CBY2: variants seen among roughly 807,000 people sequenced by gnomAD.
CBY2 encodes the protein protein chibby homolog 2.
A neutral mutation model predicts 25.3 loss-of-function variants in CBY2; 23 were observed. The ratio of observed to expected loss-of-function variants is 0.91; its 90% CI spans 0.65 to 1.29. The LOEUF is 1.29. Among genes scored for constraint, CBY2 ranks in the 50% most tolerant of loss-of-function variants. CBY2 has a pLI of 0.00. For synonymous variants in CBY2, 279 were observed against 260.2 expected (o/e 1.07, Z -0.70); for missense variants, 642 against 590.7 (o/e 1.09, Z -0.90).
At chr13:45,712,544 T>C (rs183666258) in intron 2 of CBY2, among the ~76,000 whole-genome samples, 168 of 152,008 alleles carry the variant, frequency 1.1e-3, no homozygotes, top group African/African-American at 3.9e-3. Context: ...CACGGAGAGG[T>C]GAAAATTTGA....
At position 45,702,424 on chromosome 13, in the gene CBY2, G is replaced by C; in HGVS notation, c.34G>C (p.Asp12His). ...TCTGGAATGTTCTGAGTGTTTTGGT[G>C]ACCAACTTCTGCATAGGACCTATAC... ...SPLECSECFG[D>H]QLLHRTYTWQ... Residue 12 changes from aspartate to histidine, a missense_variant, in exon 1 of 3, where the codon GAC becomes CAC. By Grantham distance (81) the Asp-to-His change is moderately conservative. Coordinates refer to ENST00000310521, the MANE Select transcript of CBY2 (RefSeq NM_152719.3). 1 of 1,614,178 alleles carries C rather than the reference G, an allele frequency of 6.2e-7. No individual in the cohort carries two copies. The highest frequency in any genetic ancestry group is 8.5e-7 in the Non-Finnish European group (1 of 1,180,018).
At position 45,705,720 on chromosome 13, in the gene CBY2, G is replaced by A. The variant is rs146246135; in HGVS notation, c.156+2865G>A. Among the ~76,000 whole-genome samples, 460 of 152,320 alleles carry A rather than the reference G, an allele frequency of 3.0e-3. 5 individuals carry two copies. The highest frequency in any genetic ancestry group is 5.2e-3 in the Non-Finnish European group (352 of 68,026). The stretch of plus-strand genomic sequence containing the variant: ...TGAATTAATTTAAAATAATGATAAT[G>A]AGACTCAGCCTTGTCATCTCATATG... On this transcript the variant is annotated intron_variant, in intron 2 of 2. Coordinates refer to ENST00000310521, the MANE Select transcript of CBY2 (RefSeq NM_152719.3).
At chr13:45,707,147 C>G (rs1950244059) in intron 2 of CBY2, among the ~76,000 whole-genome samples, 1 of 152,012 alleles carries the variant, frequency 6.6e-6, no homozygotes, top group Non-Finnish European at 1.5e-5. Context: ...GACTTTTGAG[C>G]CCAAAGTTAC....
In CBY2 at chr13:45,713,378, C is replaced by T. The variant is rs1950284106; in HGVS notation, c.353C>T (p.Pro118Leu). 4.3e-6 allele frequency: 7 copies of T among 1,614,198 alleles called. No homozygotes were observed. Among genetic ancestry groups the T allele is most frequent in the African/African-American group, 2.7e-5 (2 of 75,060 alleles). ...SQADLELDYNPPRVQLSDEMF... is the reference protein window; with the variant it reads ...SQADLELDYNLPRVQLSDEMF... ...GCCGACCTGGAGCTGGACTACAACC[C>T]GCCGCGGGTGCAGCTCAGCGACGAG... is the stretch of plus-strand genomic sequence containing the variant. Residue 118 changes from proline to leucine, a missense_variant, in exon 3 of 3, where the codon CCG becomes CTG. Coordinates refer to ENST00000310521, the MANE Select transcript of CBY2 (RefSeq NM_152719.3). This position sits in a 1 kb window ranked among gnomAD's most constrained non-coding sequence, Gnocchi z 5.0.
Position 45,713,785 on chromosome 13 carries a change from A to G in CBY2, c.760A>G (p.Asn254Asp). 6.3e-7 allele frequency: 1 copy of G among 1,589,406 alleles called. No homozygotes were observed. The highest frequency in any genetic ancestry group is 2.3e-5 in the East Asian group (1 of 43,880). ...DSTLQLLREENRALQQLLEQK... is the reference protein window; with the variant it reads ...DSTLQLLREEDRALQQLLEQK... Reference sequence around the variant, plus strand: ...CACCCTGCAGCTCCTCCGGGAGGAGAATCGCGCGCTGCAGCAGCTGCTGGA... The same window carrying G: ...CACCCTGCAGCTCCTCCGGGAGGAGGATCGCGCGCTGCAGCAGCTGCTGGA... Residue 254 changes from asparagine to aspartate, a missense_variant, in exon 3 of 3, where the codon AAT becomes GAT. By Grantham distance (23) the Asn-to-Asp change is conservative. Coordinates refer to ENST00000310521, the MANE Select transcript of CBY2 (RefSeq NM_152719.3). The surrounding 1 kb of genome is among the most constrained non-coding windows in gnomAD (Gnocchi z 5.0).
At chr13:45,702,722 G>A in intron 1 of CBY2, 53 bp from the exon 2 acceptor site, 1 of 1,415,276 alleles carries the variant, frequency 7.1e-7, no homozygotes, top group South Asian at 1.2e-5. Flanking sequence ...AGCAATTGAG[G>A]CCCAGAGGAT....
rs371167603 is a variant in CBY2 at position 45,714,292 on chromosome 13, C to T, written c.1267C>T (p.Arg423Cys). 4.3e-6 allele frequency: 7 copies of T among 1,613,030 alleles called. No individual in the cohort carries two copies. The highest frequency in any genetic ancestry group is 1.6e-4 in the Middle Eastern group (1 of 6,084). ...VIDTVTEVTA[R>C]MEMLIEELYA... Reference sequence around the variant, plus strand: ...TGACACCGTGACCGAGGTCACCGCGCGCATGGAAATGCTCATCGAGGAGCT... The same window carrying T: ...TGACACCGTGACCGAGGTCACCGCGTGCATGGAAATGCTCATCGAGGAGCT... Residue 423 changes from arginine to cysteine, a missense_variant, in exon 3 of 3, where the codon CGC (arginine) becomes TGC (cysteine). Arg to Cys is a radical substitution (Grantham distance 180). Transcript: ENST00000310521.
At chr13:45,702,929 C>T in intron 2 of CBY2, 74 bp downstream of exon 2, 1 of 1,315,624 alleles carries the variant, frequency 7.6e-7, no homozygotes, top group Non-Finnish European at 1.1e-6. Flanking sequence ...CTTCAAAACT[C>T]TAGCAAGATG....
chr13:45,710,502 G>A (rs182858882), intron 2 of CBY2, among the ~76,000 whole-genome samples: 1 of 152,222 alleles, frequency 6.6e-6, no homozygotes, highest in East Asian at 1.9e-4. Flanking sequence ...CAGCCTGGGC[G>A]ACAGAGTGAG....
Position 45,704,174 on chromosome 13 carries a change from G to C in CBY2, c.156+1319G>C, listed in dbSNP as rs1210149955. Among the ~76,000 whole-genome samples, 1 of 152,134 alleles carries C rather than the reference G, an allele frequency of 6.6e-6. No individual in the cohort carries two copies. Among genetic ancestry groups the C allele is most frequent in the African/African-American group, 2.4e-5 (1 of 41,420 alleles). On this transcript the variant is annotated intron_variant, in intron 2 of 2. Coordinates refer to ENST00000310521, the MANE Select transcript of CBY2 (RefSeq NM_152719.3). The surrounding 1 kb of genome is among the most constrained non-coding windows in gnomAD (Gnocchi z 4.1). ...GAAAGAGTAGTGGTCATGTGATAGA[G>C]AAATTGGAATGATGTTTCCATCAAC...
intron 2 of CBY2, among the ~76,000 whole-genome samples, chr13:45,712,906 C>T (rs1407563515): frequency 1.3e-5 from 2 of 152,222 alleles, no homozygotes; most frequent in Non-Finnish European, 2.9e-5. Flanking sequence ...ACTGTGACCA[C>T]AGGCTCACAG....
At position 45,707,052 on chromosome 13, in the gene CBY2, G is replaced by T. The variant is rs116546067; in HGVS notation, c.156+4197G>T. Among the ~76,000 whole-genome samples, 1,218 of 152,316 alleles carry T rather than the reference G, an allele frequency of 8.0e-3. 22 individuals are homozygous for T. Among genetic ancestry groups the T allele is most frequent in the African/African-American group, 0.028 (1,150 of 41,556 alleles). On this transcript the variant is annotated intron_variant, in intron 2 of 2. Coordinates refer to ENST00000310521, the MANE Select transcript of CBY2 (RefSeq NM_152719.3). Reference sequence around the variant, plus strand: ...TCTTGTCCTCTGGCAACCCCAGGAAGTAGGCAGAGCAGCCATGTTTAGGCT... The same window carrying T: ...TCTTGTCCTCTGGCAACCCCAGGAATTAGGCAGAGCAGCCATGTTTAGGCT...
Position 45,713,207 on chromosome 13 carries a change from G to A in CBY2, c.182G>A (p.Arg61Lys), listed in dbSNP as rs936354969. The A allele has an allele frequency of 6.2e-7, 1 of 1,612,832 alleles. No homozygotes were observed. Among genetic ancestry groups the A allele is most frequent in the Admixed American group, 1.7e-5 (1 of 59,978 alleles). ...AGGGGCACAGCCGAACCCTTCCCGA[G>A]GCTCCACAACTTGTACAGCACCCCT... ...PQRGTAEPFP[R>K]LHNLYSTPRC... Residue 61 changes from arginine (R) to lysine (K), a missense_variant, in exon 3 of 3, where the codon AGG (arginine) becomes AAG (lysine). Coordinates refer to ENST00000310521, the MANE Select transcript of CBY2 (RefSeq NM_152719.3). This position sits in a 1 kb window ranked among gnomAD's most constrained non-coding sequence, Gnocchi z 5.0.
intron 2 of CBY2, among the ~76,000 whole-genome samples, chr13:45,706,938 G>A (rs58080126): frequency 7.9e-5 from 12 of 152,256 alleles, no homozygotes; most frequent in East Asian, 1.9e-4. Flanking sequence ...TATACTCCAC[G>A]TTGCATAGCG....
At chr13:45,707,337 A>G (rs1199534574) in intron 2 of CBY2, among the ~76,000 whole-genome samples, 4 of 152,184 alleles carry the variant, frequency 2.6e-5, no homozygotes, top group Non-Finnish European at 2.9e-5. Context: ...ACATCATACC[A>G]TAACAGCTTT....
rs1298785756 is a variant in CBY2 at position 45,713,725 on chromosome 13, G to A, written c.700G>A (p.Val234Ile). The change falls in exon 3 of 3, where the codon GTC (valine) becomes ATC (isoleucine). Residue 234 changes from valine (V) to isoleucine (I), a missense_variant. Physicochemically the swap from Val to Ile is conservative, Grantham distance 29. Coordinates refer to ENST00000310521, the MANE Select transcript of CBY2 (RefSeq NM_152719.3). The surrounding 1 kb of genome is among the most constrained non-coding windows in gnomAD (Gnocchi z 5.0). ...CCTGGAGGTGGTGAAGAAGGACCAC[G>A]TCGCCCTGCAGGTGCCCCGTGGCAA... is the stretch of plus-strand genomic sequence containing the variant. ...ASLEVVKKDH[V>I]ALQVPRGKED... The A allele has an allele frequency of 4.3e-6, 7 of 1,611,488 alleles. No individual in the cohort carries two copies. Among genetic ancestry groups the A allele is most frequent in the Non-Finnish European group, 5.9e-6 (7 of 1,179,744 alleles).
Position 45,713,457 on chromosome 13 carries a change from TC to T in CBY2, c.435del (p.Tyr146ThrfsTer84), listed in dbSNP as rs397851745. 1.9e-6 allele frequency: 3 copies of T among 1,614,040 alleles called. No homozygotes were observed. Among genetic ancestry groups the T allele is most frequent in the African/African-American group, 2.7e-5 (2 of 74,912 alleles). ...WVNENCRLQS[P>X]YFSPSASFHH... is the part of the protein sequence containing the mutation. The stretch of plus-strand genomic sequence containing the variant: ...TAAATGAGAACTGCCGCCTGCAGTC[TC>T]CCTACTTCTCCCCATCCGCCTCCTT... On this transcript the variant is annotated frameshift_variant, in exon 3 of 3. Transcript: ENST00000310521. LOFTEE classifies it high-confidence loss of function. The surrounding 1 kb of genome is among the most constrained non-coding windows in gnomAD (Gnocchi z 5.0).
At position 45,704,196 on chromosome 13, in the gene CBY2, C is replaced by T. The variant is rs993130700; in HGVS notation, c.156+1341C>T. 6.6e-5 allele frequency among the ~76,000 whole-genome samples: 10 copies of T among 152,022 alleles called. No homozygotes were observed. The highest frequency in any genetic ancestry group is 4.6e-4 in the Admixed American group (7 of 15,264). On this transcript the variant is annotated intron_variant, in intron 2 of 2. Coordinates refer to ENST00000310521, the MANE Select transcript of CBY2 (RefSeq NM_152719.3). This position sits in a 1 kb window ranked among gnomAD's most constrained non-coding sequence, Gnocchi z 4.1. ...AGAGAAATTGGAATGATGTTTCCAT[C>T]AACACCCACCGCAACTTTCCCTCCC...
rs1950230504 is a variant in CBY2 at position 45,704,699 on chromosome 13, T to G, written c.156+1844T>G. ...TGTGTCGGGCATGGGGCCAAGCAAG[T>G]GTGAGGTAGAGATTTTACAGGTACA... On this transcript the variant is annotated intron_variant, in intron 2 of 2. Coordinates refer to ENST00000310521, the MANE Select transcript of CBY2 (RefSeq NM_152719.3). The surrounding 1 kb of genome is among the most constrained non-coding windows in gnomAD (Gnocchi z 4.1). Among the ~76,000 whole-genome samples the G allele has an allele frequency of 6.6e-6, 1 of 152,074 alleles. No individual in the cohort carries two copies. The highest frequency in any genetic ancestry group is 2.4e-5 in the African/African-American group (1 of 41,396).
Sources: gnomAD v4.1 joint callset for allele counts (sites outside exome capture counted in the v4.1 genomes callset) on GRCh38, gnomAD v4.1.1 for gene constraint, Gnocchi (gnomAD v3.1) non-coding constraint, MANE v1.5 for transcripts, NCBI Gene and HGNC (gene_info 2026-07-23, HGNC 2026-07-21) for gene names.